The following ZNF654 variants were observed in gnomAD, a reference collection of about 807,000 sequenced individuals.
ZNF654 encodes melanoma-associated antigen.
A neutral mutation model predicts 95.3 loss-of-function variants in ZNF654; 19 were observed. The observed-to-expected ratio is 0.20, with a 90% CI of 0.14 to 0.29. The LOEUF is 0.29. Among genes scored for constraint, ZNF654 ranks in the 10% least tolerant of loss-of-function variants. The pLI is 1.00. For synonymous variants in ZNF654, 413 were observed against 457.9 expected, an observed-to-expected ratio of 0.90 and a Z score of 1.25; for missense variants, 1,046 against 1,341.0, an observed-to-expected ratio of 0.78 and a Z score of 3.44.
At position 88,140,178 on chromosome 3, in the gene ZNF654, A is replaced by C. The variant is rs771937801; in HGVS notation, c.2509A>C (p.Lys837Gln). 6.2e-7 allele frequency: 1 copy of C among 1,613,840 alleles called. No homozygotes were observed. The highest frequency in any genetic ancestry group is 1.7e-5 in the Admixed American group (1 of 60,004). Reference sequence around the variant, plus strand: ...GCCGTTCCAGCTTGCCCAGCACACAAAAAGTCACAGGATATTTCAGGCTCA... The same window carrying C: ...GCCGTTCCAGCTTGCCCAGCACACACAAAGTCACAGGATATTTCAGGCTCA... The part of the protein sequence containing the change: ...KLPFQLAQHT[K>Q]SHRIFQAQCS... The change falls in exon 8 of 9, where the codon AAA (lysine) becomes CAA (glutamine). Residue 837 changes from lysine to glutamine, a missense_variant. Physicochemically the swap from Lys to Gln is moderately conservative, Grantham distance 53. Transcript: ENST00000636215.
At chr3:88,065,680 A>G (rs1210056098) in intron 1 of ZNF654, among the ~76,000 whole-genome samples, 5 of 152,290 alleles carry the variant, frequency 3.3e-5, no homozygotes, top group East Asian at 1.9e-4. Flanking sequence ...AATAAAGTAT[A>G]TAAAATAAAT....
chr3:88,107,350 T>G (rs1704805167), intron 2 of ZNF654, among the ~76,000 whole-genome samples: 2 of 152,306 alleles, frequency 1.3e-5, no homozygotes, highest in South Asian at 4.1e-4. Context: ...TATTTACTGA[T>G]TTGCATCTTA....
Position 88,085,622 on chromosome 3 carries a change from T to G in ZNF654, c.187-635T>G, listed in dbSNP as rs539263954. Among the ~76,000 whole-genome samples, 87 of 152,298 alleles carry G rather than the reference T, an allele frequency of 5.7e-4. 1 individual carries two copies. Among genetic ancestry groups the G allele is most frequent in the African/African-American group, 2.1e-3 (86 of 41,552 alleles). ...AATGTTTTCTCATAAATTACCCCAA[T>G]TTGGCTTCAGAGAGCATTGTCATCT... is the stretch of plus-strand genomic sequence containing the variant. On this transcript the variant is annotated intron_variant, in intron 1 of 8. Coordinates refer to ENST00000636215, the MANE Select transcript of ZNF654 (RefSeq NM_001350134.2).
At chr3:88,115,994 A>G (rs1231777319) in intron 3 of ZNF654, among the ~76,000 whole-genome samples, 2 of 152,176 alleles carry the variant, frequency 1.3e-5, no homozygotes, top group Non-Finnish European at 2.9e-5. Context: ...AAACAGGGAA[A>G]TGTGTGAGAG....
At position 88,139,809 on chromosome 3, in the gene ZNF654, G is replaced by T. The variant is rs1282005419; in HGVS notation, c.2140G>T (p.Asp714Tyr). The T allele has an allele frequency of 6.4e-7, 1 of 1,559,608 alleles. No individual in the cohort carries two copies. The highest frequency in any genetic ancestry group is 1.4e-5 in the African/African-American group (1 of 73,616). The change falls in exon 8 of 9, where the codon GAT becomes TAT. Residue 714 changes from aspartate to tyrosine, a missense_variant. By Grantham distance (160) the Asp-to-Tyr change is radical. This residue lies in a region of ZNF654 where 495 missense variants were observed against 537.0 expected (regional missense o/e 0.92). Coordinates refer to ENST00000636215, the MANE Select transcript of ZNF654 (RefSeq NM_001350134.2). Reference sequence around the variant, plus strand: ...TGAAGAAGGTGATTATGAAGAAGATGATTATGACCTGAATCAAGAAACTTC... The same window carrying T: ...TGAAGAAGGTGATTATGAAGAAGATTATTATGACCTGAATCAAGAAACTTC... Reference protein sequence around the residue: ...EDEEGDYEEDDYDLNQETSVI... With the variant: ...EDEEGDYEEDYYDLNQETSVI...
intron 1 of ZNF654, among the ~76,000 whole-genome samples, chr3:88,069,500 A>G (rs1198259636): frequency 2.0e-5 from 3 of 152,232 alleles, no homozygotes; most frequent in Non-Finnish European, 4.4e-5. Flanking sequence ...TGAGATAGTA[A>G]CAATGGCTCA....
Position 88,140,332 on chromosome 3 carries a change from T to C in ZNF654, c.2663T>C (p.Val888Ala). 6.2e-7 allele frequency: 1 copy of C among 1,613,668 alleles called. No homozygotes were observed. Residue 888 changes from valine (V) to alanine (A), a missense_variant, in exon 8 of 9, where the codon GTT becomes GCT. Physicochemically the swap from Val to Ala is moderately conservative, Grantham distance 64. This residue lies in a region of ZNF654 where 495 missense variants were observed against 537.0 expected (regional missense o/e 0.92). Coordinates refer to ENST00000636215, the MANE Select transcript of ZNF654 (RefSeq NM_001350134.2). Reference sequence around the variant, plus strand: ...CCAAGTGAAACAATTCTTTGGGATGTTCAGACAGACTCAAATCCTAATCAG... The same window carrying C: ...CCAAGTGAAACAATTCTTTGGGATGCTCAGACAGACTCAAATCCTAATCAG... ...AQPSETILWD[V>A]QTDSNPNQEK...
chr3:88,088,756 G>C (rs921102799), intron 2 of ZNF654, among the ~76,000 whole-genome samples: 2 of 143,668 alleles, frequency 1.4e-5, no homozygotes, highest in African/African-American at 5.0e-5. Flanking sequence ...ATGTATGTAT[G>C]TATGTATGGA....
At chr3:88,110,672 AG>A (rs1705035340) in intron 2 of ZNF654, among the ~76,000 whole-genome samples, 1 of 152,064 alleles carries the variant, frequency 6.6e-6, no homozygotes, top group African/African-American at 2.4e-5. Context: ...TGCACCCTAC[AG>A]AGTTTTCTTC....
In ZNF654 at chr3:88,139,450, A is replaced by G. The variant is rs1270659769; in HGVS notation, c.1781A>G (p.His594Arg). Residue 594 changes from histidine (H) to arginine (R), a missense_variant, in exon 8 of 9, where the codon CAT becomes CGT. By Grantham distance (29) the His-to-Arg change is conservative. Transcript: ENST00000636215. ...RGLMQKHLKN[H>R]VKKIQRQQIA... The stretch of plus-strand genomic sequence containing the variant: ...CTTATGCAGAAGCATTTGAAGAATC[A>G]TGTTAAGAAGATACAGAGGCAGCAA... 2.5e-6 allele frequency: 4 copies of G among 1,613,858 alleles called. No homozygotes were observed. Among genetic ancestry groups the G allele is most frequent in the Non-Finnish European group, 3.4e-6 (4 of 1,179,812 alleles).
intron 8 of ZNF654, 69 bp downstream of exon 8, chr3:88,141,117 G>GT (rs1707103114): frequency 6.7e-7 from 1 of 1,497,564 alleles, no homozygotes; most frequent in African/African-American, 1.4e-5. Flanking sequence ...AACTATTATA[G>GT]ATCTTTGAGA....
intron 7 of ZNF654, among the ~76,000 whole-genome samples, chr3:88,136,651 A>C (rs1706801763): frequency 6.6e-6 from 1 of 152,120 alleles, no homozygotes; most frequent in South Asian, 2.1e-4. Context: ...GGTAGCAGAG[A>C]AATATGGGGA....
chr3:88,113,034 G>T, intron 2 of ZNF654, 81 bp from the exon 3 acceptor site: 1 of 892,774 alleles, frequency 1.1e-6, no homozygotes, highest in Non-Finnish European at 1.7e-6. Context: ...ATTGATATTA[G>T]ATAGCTGATA....
chr3:88,086,538 A>G, intron 2 of ZNF654, 136 bp downstream of exon 2: 1 of 792,344 alleles, frequency 1.3e-6, no homozygotes, highest in Non-Finnish European at 1.8e-6. Context: ...TTTTCACTGA[A>G]GTATTCAGGT....
At chr3:88,100,468 A>G (rs1704344631) in intron 2 of ZNF654, among the ~76,000 whole-genome samples, 1 of 152,200 alleles carries the variant, frequency 6.6e-6, no homozygotes, top group South Asian at 2.1e-4. Context: ...CCATCCCATT[A>G]CTGGGTATAT....
At chr3:88,103,742 GA>G (rs1704568623) in intron 2 of ZNF654, among the ~76,000 whole-genome samples, 1 of 148,274 alleles carries the variant, frequency 6.7e-6, no homozygotes, top group African/African-American at 2.5e-5. Context: ...TTAAAGTGAT[GA>G]AAGAAAGAGA....
intron 6 of ZNF654, among the ~76,000 whole-genome samples, chr3:88,131,000 T>A (rs1057424084): frequency 1.3e-5 from 2 of 152,122 alleles, no homozygotes; most frequent in African/African-American, 2.4e-5. Context: ...TATGCAGCAC[T>A]TAATGATGGG....
chr3:88,125,464 AT>A (rs1706043035), intron 3 of ZNF654, among the ~76,000 whole-genome samples: 1 of 152,104 alleles, frequency 6.6e-6, no homozygotes, highest in African/African-American at 2.4e-5. Flanking sequence ...GTATGGACAA[AT>A]TCACAACTAT....
intron 2 of ZNF654, among the ~76,000 whole-genome samples, chr3:88,095,157 A>G (rs1274327320): frequency 6.6e-6 from 1 of 152,148 alleles, no homozygotes; most frequent in Non-Finnish European, 1.5e-5. Flanking sequence ...TTATAAGAAA[A>G]AATTTGCTCC....
Sources: allele counts gnomAD v4.1 joint callset (sites outside exome capture counted in the v4.1 genomes callset), GRCh38; gene constraint gnomAD v4.1.1; regional missense constraint gnomAD v4.1.1; transcripts MANE v1.5; gene names NCBI Gene and HGNC (gene_info 2026-07-23, HGNC 2026-07-21).